Variants in TBC1D9 observed in about 807,000 individuals in gnomAD.
TBC1D9 encodes the protein TBC1 domain family member 9A.
In TBC1D9, 63 loss-of-function variants were observed where a neutral mutation model predicts 132.0. The ratio of observed to expected loss-of-function variants is 0.48; its 90% CI spans 0.39 to 0.59. The LOEUF is 0.59. Among genes scored for constraint, TBC1D9 ranks in the 20% least tolerant of loss-of-function variants. The pLI, the probability that TBC1D9 is intolerant of heterozygous loss-of-function variation, is 0.00. For synonymous variants in TBC1D9, 610 were observed against 609.9 expected, an observed-to-expected ratio of 1.00 and a Z score of 0.00; for missense variants, 1,261 against 1,592.7, an observed-to-expected ratio of 0.79 and a Z score of 3.54.
chr4:140,662,247 G>T (rs1476445242), intron 9 of TBC1D9, 140 bp from the exon 10 acceptor site: 1 of 766,644 alleles, frequency 1.3e-6, no homozygotes, highest in Non-Finnish European at 2.2e-6. Flanking sequence ...CACAGATGTG[G>T]TATGTTGCAA....
chr4:140,644,814 C>T (rs577871741), intron 13 of TBC1D9: 4 of 413,352 alleles, frequency 9.7e-6, no homozygotes, highest in East Asian at 1.2e-4. Flanking sequence ...CCATCAGCTC[C>T]GCAAAGTGAG....
chr4:140,686,313 C>T, intron 3 of TBC1D9, 31 bp downstream of exon 3: 5 of 1,232,804 alleles, frequency 4.1e-6, no homozygotes, highest in Admixed American at 1.9e-5. Context: ...AAATTATTTC[C>T]AATTAAAATG....
chr4:140,654,844 AT>A (rs538991639), intron 13 of TBC1D9, among the ~76,000 whole-genome samples: 12 of 152,014 alleles, frequency 7.9e-5, no homozygotes, highest in South Asian at 2.1e-4. Flanking sequence ...CAAACTTTTA[AT>A]GTAAATTCAT....
At chr4:140,643,238 C>A in intron 13 of TBC1D9, 1 of 1,326,366 alleles carries the variant, frequency 7.5e-7, no homozygotes. Flanking sequence ...TCTTGCTCCT[C>A]CTCTCCAGCT....
At chr4:140,718,902 G>C (rs1448193169) in intron 1 of TBC1D9, among the ~76,000 whole-genome samples, 9 of 151,906 alleles carry the variant, frequency 5.9e-5, no homozygotes, top group Non-Finnish European at 4.4e-5. Flanking sequence ...AACATGGCAA[G>C]GCTGTTTTTA....
chr4:140,673,821 C>T (rs1737579285), intron 6 of TBC1D9, among the ~76,000 whole-genome samples: 2 of 152,106 alleles, frequency 1.3e-5, no homozygotes, highest in African/African-American at 2.4e-5. Flanking sequence ...TATTAATCAC[C>T]ATTCTCTCAA....
chr4:140,687,903 T>C (rs1209084819), intron 2 of TBC1D9, among the ~76,000 whole-genome samples: 1 of 151,984 alleles, frequency 6.6e-6, no homozygotes, highest in Admixed American at 6.6e-5. Flanking sequence ...CTGGGTAACA[T>C]GGGGAGACCC....
intron 3 of TBC1D9, among the ~76,000 whole-genome samples, chr4:140,685,364 G>A (rs1221747283): frequency 1.3e-5 from 2 of 152,170 alleles, no homozygotes; most frequent in Non-Finnish European, 2.9e-5. Context: ...TCTTGAGAAG[G>A]ACACAGGATC....
chr4:140,645,003 C>T (rs1025017458), intron 13 of TBC1D9: 47 of 464,992 alleles, frequency 1.0e-4, no homozygotes, highest in East Asian at 5.9e-4. Flanking sequence ...GCTGCCCGAG[C>T]GGGACAACCA....
intron 13 of TBC1D9, among the ~76,000 whole-genome samples, chr4:140,646,594 G>A (rs1349708457): frequency 6.6e-6 from 1 of 152,134 alleles, no homozygotes; most frequent in East Asian, 1.9e-4. Flanking sequence ...TATTTCCTAA[G>A]TTGGAGTTTA....
At chr4:140,747,418 A>C (rs1405394529) in intron 1 of TBC1D9, among the ~76,000 whole-genome samples, 1 of 152,114 alleles carries the variant, frequency 6.6e-6, no homozygotes, top group Non-Finnish European at 1.5e-5. Flanking sequence ...ACCTAGGGTA[A>C]ATCACTCAAT....
intron 9 of TBC1D9, among the ~76,000 whole-genome samples, chr4:140,663,321 T>C (rs1737394659): frequency 6.6e-6 from 1 of 152,058 alleles, no homozygotes; most frequent in South Asian, 2.1e-4. Flanking sequence ...ATCAGGGAAA[T>C]GCAAATCAAA....
intron 13 of TBC1D9, among the ~76,000 whole-genome samples, chr4:140,641,566 A>G (rs1487052484): frequency 1.3e-5 from 2 of 152,030 alleles, no homozygotes; most frequent in African/African-American, 4.8e-5. Context: ...CCCGTGCCCA[A>G]AGAGAGCCTG....
At chr4:140,736,106 C>G (rs747638851) in intron 1 of TBC1D9, among the ~76,000 whole-genome samples, 4 of 151,890 alleles carry the variant, frequency 2.6e-5, no homozygotes, top group African/African-American at 4.8e-5. Flanking sequence ...TACATGATAC[C>G]TCCCTAGAAT....
intron 3 of TBC1D9, among the ~76,000 whole-genome samples, chr4:140,682,672 C>T (rs909304557): frequency 6.6e-6 from 1 of 152,104 alleles, no homozygotes; most frequent in African/African-American, 2.4e-5. Context: ...AGCAGCTGGG[C>T]CTCCAGGGAA....
Position 140,649,540 on chromosome 4 carries a change from C to A in TBC1D9, c.2337+7557G>T, listed in dbSNP as rs76346337. 4.2e-4 allele frequency among the ~76,000 whole-genome samples: 64 copies of A among 152,254 alleles called. 1 individual carries two copies. In the East Asian group the frequency reaches 9.7e-3, roughly 23 times the overall value. On this transcript the variant is annotated intron_variant, in intron 13 of 20. Coordinates refer to ENST00000442267, the MANE Select transcript of TBC1D9 (RefSeq NM_015130.3). Reference sequence around the variant, plus strand: ...GGGAAGAAATTGATGGAATGTGAGGCTTTAGGTATAGAAAAGCCTAACATT... The same window carrying A: ...GGGAAGAAATTGATGGAATGTGAGGATTTAGGTATAGAAAAGCCTAACATT...
chr4:140,713,749 TA>T lies in TBC1D9; in HGVS notation c.131-12136del, dbSNP rs11438285. Among the ~76,000 whole-genome samples the T allele has an allele frequency of 4.8e-4, 71 of 147,926 alleles. 2 individuals are homozygous for T. In the East Asian group the frequency reaches 9.3e-3, roughly 19 times the overall value. On this transcript the variant is annotated intron_variant, in intron 1 of 20. Transcript: ENST00000442267. The stretch of plus-strand genomic sequence containing the variant: ...TGAGACCCTATCTCTGAAAAAGAAT[TA>T]AAAAAAAAAAACTATATTTTTTAAA...
chr4:140,665,720 A>C (rs1251731624), intron 9 of TBC1D9, among the ~76,000 whole-genome samples: 1 of 152,138 alleles, frequency 6.6e-6, no homozygotes. Context: ...TGAGTCACCC[A>C]AGCTGAGGTG....
At chr4:140,752,360 TA>T (rs5862498) in intron 1 of TBC1D9, among the ~76,000 whole-genome samples, 48,684 of 149,526 alleles carry the variant, frequency 0.33, 8,156 homozygotes, top group East Asian at 0.57. Context: ...ATTTCTTGCT[TA>T]AAAAAAAAAG....
Sources: gnomAD v4.1 joint callset for allele counts (sites outside exome capture counted in the v4.1 genomes callset) on GRCh38, gnomAD v4.1.1 for gene constraint, MANE v1.5 for transcripts, NCBI Gene and HGNC (gene_info 2026-07-23, HGNC 2026-07-21) for gene names.